Variants in ADAMTSL1 observed in about 807,000 individuals in gnomAD.
ADAMTSL1 encodes the protein ADAMTS like 1.
A neutral mutation model predicts 201.8 loss-of-function variants in ADAMTSL1; 126 were observed. That is an observed-to-expected ratio of 0.62 (90% CI 0.54 to 0.72). ADAMTSL1 has a LOEUF of 0.72. ADAMTSL1 is among the 30% of genes least tolerant of loss of function. ADAMTSL1 has a pLI of 0.00. For synonymous variants in ADAMTSL1, 1,121 were observed against 903.4 expected, an observed-to-expected ratio of 1.24 and a Z score of -4.32; for missense variants, 2,679 against 2,277.8, an observed-to-expected ratio of 1.18 and a Z score of -3.59.
intron 2 of ADAMTSL1, among the ~76,000 whole-genome samples, chr9:18,509,591 A>G (rs1486550971): frequency 2.6e-5 from 4 of 152,208 alleles, no homozygotes; most frequent in Admixed American, 1.3e-4. Flanking sequence ...GGGAAACCCA[A>G]TTCTGCTCCA....
At chr9:18,523,945 G>A (rs1160391365) in intron 2 of ADAMTSL1, among the ~76,000 whole-genome samples, 2 of 139,474 alleles carry the variant, frequency 1.4e-5, no homozygotes, top group South Asian at 4.7e-4. Context: ...GGTTCCATAT[G>A]AACTTTAAAG....
chr9:18,650,226 T>G (rs1828143183), intron 7 of ADAMTSL1, among the ~76,000 whole-genome samples: 1 of 152,144 alleles, frequency 6.6e-6, no homozygotes, highest in Admixed American at 6.5e-5. Context: ...TGGTGTGCCG[T>G]TTCCTAAGCC....
At chr9:17,956,702 C>A (rs1430877786) in intron 1 of ADAMTSL1, among the ~76,000 whole-genome samples, 1 of 152,050 alleles carries the variant, frequency 6.6e-6, no homozygotes, top group Non-Finnish European at 1.5e-5. Flanking sequence ...TCACTAAGGC[C>A]AGCTTAGGTT....
At chr9:18,182,059 A>G (rs10963503) in intron 2 of ADAMTSL1, among the ~76,000 whole-genome samples, 71,794 of 149,780 alleles carry the variant, frequency 0.48, 17,478 homozygotes, top group East Asian at 0.58. Flanking sequence ...AACACCGCAT[A>G]TTCTCACTCA....
chr9:18,564,609 T>C (rs947869971), intron 3 of ADAMTSL1, among the ~76,000 whole-genome samples: 3 of 152,228 alleles, frequency 2.0e-5, no homozygotes, highest in Non-Finnish European at 2.9e-5. Context: ...ACAAATATTT[T>C]GGTAAATGCA....
At chr9:18,431,943 A>G (rs1400890900) in intron 2 of ADAMTSL1, among the ~76,000 whole-genome samples, 1 of 152,190 alleles carries the variant, frequency 6.6e-6, no homozygotes, top group African/African-American at 2.4e-5. Context: ...CAGCCATGAC[A>G]CTTCTGAATT....
chr9:18,033,447 A>T (rs1453922757), intron 1 of ADAMTSL1, among the ~76,000 whole-genome samples: 1 of 152,206 alleles, frequency 6.6e-6, no homozygotes, highest in South Asian at 2.1e-4. Context: ...ATTTTAACAC[A>T]TTGTTTCCAC....
rs140698776 is a variant in ADAMTSL1, at chr9:17,931,435, A to G, written c.87+24513A>G. 6.0e-4 allele frequency among the ~76,000 whole-genome samples: 92 copies of G among 152,236 alleles called. 2 individuals carry two copies. In the East Asian group the frequency reaches 0.014, roughly 24 times the overall value. On this transcript the variant is annotated intron_variant, in intron 1 of 29. Transcript: ENST00000680146. ...TTCTTTCATCATCCATCTAAGTGTA[A>G]AAGCTAGCTGTCATTTGGAAAAGTT...
At chr9:18,631,086 G>A (rs956864151) in intron 5 of ADAMTSL1, among the ~76,000 whole-genome samples, 1 of 152,212 alleles carries the variant, frequency 6.6e-6, no homozygotes, top group African/African-American at 2.4e-5. Flanking sequence ...CTGATTGTGA[G>A]ATGTATTCTG....
At chr9:18,422,895 C>A (rs1054437203) in intron 2 of ADAMTSL1, among the ~76,000 whole-genome samples, 1 of 152,136 alleles carries the variant, frequency 6.6e-6, no homozygotes, top group Admixed American at 6.5e-5. Flanking sequence ...GATAAACTTG[C>A]CCTCTAACAT....
At chr9:18,114,852 G>C (rs961494962) in intron 1 of ADAMTSL1, among the ~76,000 whole-genome samples, 1 of 152,138 alleles carries the variant, frequency 6.6e-6, no homozygotes, top group Admixed American at 6.6e-5. Flanking sequence ...TTAGAAATCT[G>C]TGTAGGCAGG....
At chr9:18,295,096 T>A (rs1833422498) in intron 2 of ADAMTSL1, among the ~76,000 whole-genome samples, 1 of 152,114 alleles carries the variant, frequency 6.6e-6, no homozygotes, top group Non-Finnish European at 1.5e-5. Flanking sequence ...CTGCTTAATG[T>A]CCTTAGAAAG....
chr9:18,184,715 C>T (rs1034258807), intron 2 of ADAMTSL1, among the ~76,000 whole-genome samples: 2 of 152,080 alleles, frequency 1.3e-5, no homozygotes, highest in South Asian at 2.1e-4. Context: ...ATTTTCACAA[C>T]GCATCTATAG....
chr9:18,322,497 G>A (rs1011499690), intron 2 of ADAMTSL1, among the ~76,000 whole-genome samples: 5 of 152,074 alleles, frequency 3.3e-5, no homozygotes, highest in Non-Finnish European at 7.4e-5. Flanking sequence ...GCCAAACGTG[G>A]TGGTGGGCAC....
chr9:18,574,558 C>T, intron 4 of ADAMTSL1: 5 of 539,640 alleles, frequency 9.3e-6, no homozygotes, highest in Non-Finnish European at 1.6e-5. Flanking sequence ...TTGAAATTAT[C>T]CCCTGGATTG....
intron 1 of ADAMTSL1, among the ~76,000 whole-genome samples, chr9:17,957,840 C>A (rs935720250): frequency 6.6e-6 from 1 of 152,076 alleles, no homozygotes; most frequent in African/African-American, 2.4e-5. Flanking sequence ...CTAAGGGCTG[C>A]TGGGAGTCAC....
chr9:18,827,448 G>C (rs1437627861), intron 22 of ADAMTSL1, among the ~76,000 whole-genome samples: 2 of 151,768 alleles, frequency 1.3e-5, no homozygotes, highest in African/African-American at 4.8e-5. Context: ...ATTTCAGAGA[G>C]GCCCAAACGG....
intron 2 of ADAMTSL1, among the ~76,000 whole-genome samples, chr9:18,420,579 A>T (rs1178760702): frequency 6.6e-6 from 1 of 152,082 alleles, no homozygotes; most frequent in African/African-American, 2.4e-5. Flanking sequence ...TGGCATGGAG[A>T]GCTGTGCCCA....
chr9:18,500,034 T>C lies in ADAMTSL1; in HGVS notation c.64-4795T>C, dbSNP rs981214854. On this transcript the variant is annotated intron_variant, in intron 1 of 28. Coordinates refer to ENST00000380548, the MANE Select transcript of ADAMTSL1 (RefSeq NM_001040272.6). The stretch of plus-strand genomic sequence containing the variant: ...TGCTTCATCTTACATCTTTCATGTA[T>C]TTGATAACCTGTCCAGGTTCCAATG... 3.3e-5 allele frequency among the ~76,000 whole-genome samples: 5 copies of C among 152,254 alleles called. No homozygotes were observed. The East Asian group carries it at 7.7e-4, about 23-fold the overall frequency.
Sources: allele counts gnomAD v4.1 joint callset (sites outside exome capture counted in the v4.1 genomes callset), GRCh38; gene constraint gnomAD v4.1.1; transcripts MANE v1.5; gene names NCBI Gene and HGNC (gene_info 2026-07-23, HGNC 2026-07-21).